PDE1C: variants seen among roughly 807,000 people sequenced by gnomAD.
PDE1C encodes dual specificity calcium/calmodulin-dependent 3',5'-cyclic nucleotide phosphodiesterase 1C.
Under a neutral mutation model 93.1 loss-of-function variants are expected in PDE1C, and 62 were observed. That is an observed-to-expected ratio of 0.67 (90% CI 0.54 to 0.82). PDE1C has a LOEUF of 0.82. PDE1C is among the 40% of genes least tolerant of loss of function. The probability of loss-of-function intolerance (pLI) is 0.00; values close to 1 mark genes in which losing one functional copy is unlikely to be tolerated. For synonymous variants in PDE1C, 325 were observed against 310.1 expected, an observed-to-expected ratio of 1.05 and a Z score of -0.50; for missense variants, 742 against 884.6, an observed-to-expected ratio of 0.84 and a Z score of 2.04.
chr7:31,839,280 AAT>A (rs1791534102), intron 9 of PDE1C, among the ~76,000 whole-genome samples: 2 of 150,762 alleles, frequency 1.3e-5, no homozygotes, highest in South Asian at 2.1e-4. Context: ...ATTATTTTAA[AAT>A]AGTCACACAT....
chr7:31,869,829 A>G (rs780634256), intron 6 of PDE1C, among the ~76,000 whole-genome samples: 115 of 152,204 alleles, frequency 7.6e-4, no homozygotes, highest in Non-Finnish European at 9.6e-4. Flanking sequence ...TCTCACCAAC[A>G]CAAAGAACAT....
rs186591663 is a variant in PDE1C at position 32,180,668 on chromosome 7, A to G, written c.137-10712T>C. ...TGAGAAATAAATTTCTGTTTTTTAT[A>G]AATTACCCAGTCTCAGGTATTTTAT... On this transcript the variant is annotated intron_variant, in intron 2 of 18. Transcript: ENST00000396193. Among the ~76,000 whole-genome samples, 13 of 152,322 alleles carry G rather than the reference A, an allele frequency of 8.5e-5. No individual in the cohort carries two copies. The East Asian group carries it at 1.9e-3, about 23-fold the overall frequency.
chr7:31,947,005 G>A (rs556037946), intron 2 of PDE1C, among the ~76,000 whole-genome samples: 20 of 152,272 alleles, frequency 1.3e-4, no homozygotes, highest in African/African-American at 2.4e-4. Flanking sequence ...TAATTGTTGC[G>A]TAGTTACAGA....
At chr7:31,625,828 T>TA in the PDE1C span, among the ~76,000 whole-genome samples, 30 of 152,060 alleles carry the variant, frequency 2.0e-4, no homozygotes, top group South Asian at 1.0e-3. Flanking sequence ...TCTTTTTTTT[T>TA]AAATTTTTTC....
At chr7:32,104,471 G>A (rs922238838) in intron 3 of PDE1C, among the ~76,000 whole-genome samples, 13 of 152,126 alleles carry the variant, frequency 8.5e-5, no homozygotes, top group South Asian at 6.2e-4. Flanking sequence ...GCAAGTTTTC[G>A]AAAAAGAAAA....
intron 2 of PDE1C, among the ~76,000 whole-genome samples, chr7:31,887,864 A>G (rs1798146251): frequency 6.6e-6 from 1 of 152,258 alleles, no homozygotes; most frequent in Admixed American, 6.5e-5. Flanking sequence ...AATAACCCAT[A>G]GGTCAAAGGT....
chr7:31,815,850 G>T (rs1788180891), intron 15 of PDE1C, 74 bp downstream of exon 15: 4 of 1,117,892 alleles, frequency 3.6e-6, no homozygotes, highest in Non-Finnish European at 5.5e-6. Context: ...CATCAGTAGG[G>T]TTGTTCACCA....
chr7:32,154,384 G>A (rs146990341), intron 3 of PDE1C, among the ~76,000 whole-genome samples: 80 of 152,222 alleles, frequency 5.3e-4, no homozygotes, highest in Non-Finnish European at 8.8e-4. Flanking sequence ...ACAAGAAGCT[G>A]CAAAAATGGT....
chr7:32,143,574 T>A (rs1230061361), intron 3 of PDE1C, among the ~76,000 whole-genome samples: 1 of 152,092 alleles, frequency 6.6e-6, no homozygotes, highest in African/African-American at 2.4e-5. Flanking sequence ...TCTGCAGCTG[T>A]CAAGTGCAAA....
At chr7:31,776,176 G>C (rs554014827) in intron 16 of PDE1C, among the ~76,000 whole-genome samples, 1 of 152,270 alleles carries the variant, frequency 6.6e-6, no homozygotes, top group African/African-American at 2.4e-5. Flanking sequence ...TGAGGGAATC[G>C]GGGGTTTTGT....
chr7:32,082,263 G>C (rs1796722999), intron 3 of PDE1C, among the ~76,000 whole-genome samples: 1 of 152,238 alleles, frequency 6.6e-6, no homozygotes, highest in African/African-American at 2.4e-5. Context: ...CTGATTGCTA[G>C]CACAGCAGTC....
At chr7:32,386,580 G>T (rs1425347397) in intron 1 of PDE1C, among the ~76,000 whole-genome samples, 1 of 123,126 alleles carries the variant, frequency 8.1e-6, no homozygotes, top group African/African-American at 3.2e-5. Context: ...CAACATTCTT[G>T]CATCCACATT....
the PDE1C span, among the ~76,000 whole-genome samples, chr7:31,690,080 G>A: frequency 2.6e-5 from 4 of 152,112 alleles, no homozygotes; most frequent in Non-Finnish European, 5.9e-5. Context: ...TCAATTCATC[G>A]GCCAGAGACA....
intron 1 of PDE1C, among the ~76,000 whole-genome samples, chr7:32,062,675 G>T (rs1478823264): frequency 6.6e-6 from 1 of 152,128 alleles, no homozygotes; most frequent in South Asian, 2.1e-4. Context: ...CGTCACAGCA[G>T]GTAGTAATTT....
chr7:32,015,795 G>A (rs1488789354), intron 2 of PDE1C, among the ~76,000 whole-genome samples: 1 of 151,886 alleles, frequency 6.6e-6, no homozygotes, highest in African/African-American at 2.4e-5. Context: ...TGGAAATATG[G>A]GTAAAAATAT....
At chr7:32,048,680 G>T (rs1426983585) in intron 2 of PDE1C, among the ~76,000 whole-genome samples, 1 of 152,148 alleles carries the variant, frequency 6.6e-6, no homozygotes, top group Non-Finnish European at 1.5e-5. Context: ...TTCCTGACCT[G>T]CAAAATTATG....
intron 3 of PDE1C, among the ~76,000 whole-genome samples, chr7:32,098,958 A>T (rs1797911108): frequency 6.6e-6 from 1 of 152,236 alleles, no homozygotes; most frequent in Admixed American, 6.5e-5. Flanking sequence ...GTTGCACAAT[A>T]GTGTGAATGT....
the PDE1C span, among the ~76,000 whole-genome samples, chr7:31,730,106 A>C: frequency 7.9e-5 from 12 of 152,278 alleles, no homozygotes; most frequent in African/African-American, 2.9e-4. Context: ...CATTTAAAGC[A>C]TCTGATTCCC....
chr7:32,148,644 T>C (rs1278954951), intron 3 of PDE1C, among the ~76,000 whole-genome samples: 1 of 152,214 alleles, frequency 6.6e-6, no homozygotes, highest in Non-Finnish European at 1.5e-5. Context: ...ATGTAACTAA[T>C]GGCTACCATT....
Sources: allele counts gnomAD v4.1 joint callset (sites outside exome capture counted in the v4.1 genomes callset), GRCh38; gene constraint gnomAD v4.1.1; transcripts MANE v1.5; gene names NCBI Gene and HGNC (gene_info 2026-07-23, HGNC 2026-07-21).